Variants in AP2B1 observed in about 807,000 individuals in gnomAD.
The protein encoded by AP2B1 is AP-2 complex subunit beta.
A neutral mutation model predicts 102.0 loss-of-function variants in AP2B1; 23 were observed. The observed-to-expected ratio is 0.23, with a 90% CI of 0.16 to 0.32. AP2B1 has a LOEUF of 0.32. Among genes scored for constraint, AP2B1 ranks in the 10% least tolerant of loss-of-function variants. The pLI, the probability that AP2B1 is intolerant of heterozygous loss-of-function variation, is 1.00. For synonymous variants in AP2B1, 381 were observed against 421.2 expected (o/e 0.90, Z 1.17); for missense variants, 541 against 1,157.4 (o/e 0.47, Z 7.73).
At chr17:35,612,655 G>A (rs1242796232) in intron 5 of AP2B1, among the ~76,000 whole-genome samples, 1 of 152,132 alleles carries the variant, frequency 6.6e-6, no homozygotes, top group East Asian at 1.9e-4. Flanking sequence ...GTCAAGAAAT[G>A]TTTACTCAGA....
At chr17:35,608,069 A>G (rs1207427156) in intron 4 of AP2B1, 73 bp from the exon 5 acceptor site, 5 of 1,555,978 alleles carry the variant, frequency 3.2e-6, no homozygotes, top group Admixed American at 3.6e-5. Flanking sequence ...ATTCTTTTGC[A>G]GCTTACATAA....
chr17:35,692,297 A>G (rs959179684), intron 18 of AP2B1, among the ~76,000 whole-genome samples: 5 of 152,230 alleles, frequency 3.3e-5, no homozygotes, highest in Non-Finnish European at 5.9e-5. Flanking sequence ...AAATAGTAAT[A>G]AAAGTGATTT....
intron 14 of AP2B1, among the ~76,000 whole-genome samples, chr17:35,669,169 G>GTCT (rs1338284218): frequency 7.0e-6 from 1 of 142,806 alleles, no homozygotes; most frequent in Non-Finnish European, 1.5e-5. Context: ...CCGAGATGGA[G>GTCT]TCTTGCTCTT....
intron 5 of AP2B1, among the ~76,000 whole-genome samples, chr17:35,611,830 A>G (rs1394288804): frequency 6.6e-6 from 1 of 152,212 alleles, no homozygotes; most frequent in African/African-American, 2.4e-5. Context: ...CCCTAGCTAT[A>G]TAAAATTTAA....
intron 20 of AP2B1, 72 bp downstream of exon 20, chr17:35,710,392 T>C: frequency 9.2e-7 from 1 of 1,085,904 alleles, no homozygotes; most frequent in Non-Finnish European, 1.4e-6. Context: ...TTAATCTTTC[T>C]TTTGCCTACC....
chr17:35,622,999 A>T (rs1249871452), intron 5 of AP2B1, among the ~76,000 whole-genome samples: 1 of 152,002 alleles, frequency 6.6e-6, no homozygotes, highest in Non-Finnish European at 1.5e-5. Flanking sequence ...ATTCAGCCTC[A>T]CTTTGCTAAT....
intron 9 of AP2B1, among the ~76,000 whole-genome samples, chr17:35,634,214 T>C (rs762424376): frequency 1.2e-4 from 18 of 152,218 alleles, no homozygotes; most frequent in Non-Finnish European, 2.1e-4. Context: ...TGGTGCCAGG[T>C]ATTGAAGAAA....
chr17:35,683,923 G>C (rs2075876956), intron 18 of AP2B1, among the ~76,000 whole-genome samples: 1 of 152,198 alleles, frequency 6.6e-6, no homozygotes, highest in Admixed American at 6.5e-5. Flanking sequence ...TTCTGAGCAG[G>C]GTTCTGGGTA....
intron 5 of AP2B1, among the ~76,000 whole-genome samples, chr17:35,609,482 GA>G (rs942207528): frequency 6.6e-6 from 1 of 152,092 alleles, no homozygotes. Flanking sequence ...GAGTAGCTGG[GA>G]CTACAGGCGC....
At chr17:35,625,913 G>T (rs945076774) in intron 6 of AP2B1, among the ~76,000 whole-genome samples, 1 of 152,084 alleles carries the variant, frequency 6.6e-6, no homozygotes, top group African/African-American at 2.4e-5. Context: ...CAGTAAGTTA[G>T]CTACTTGTGT....
In AP2B1 at chr17:35,676,986, G is replaced by A. The variant is rs559854884; in HGVS notation, c.2324+2665G>A. Among the ~76,000 whole-genome samples the A allele has an allele frequency of 3.9e-5, 6 of 152,214 alleles. No individual in the cohort carries two copies. The South Asian group carries it at 1.0e-3, about 26-fold the overall frequency. On this transcript the variant is annotated intron_variant, in intron 17 of 21. Transcript: ENST00000610402. ...TGTTTTCAAAAAAAACCAAAAGGGT[G>A]TTTTTGTTTGTTTTTTTGTTTGAAA...
At chr17:35,693,461 T>C (rs1316648244) in intron 18 of AP2B1, among the ~76,000 whole-genome samples, 1 of 152,198 alleles carries the variant, frequency 6.6e-6, no homozygotes, top group South Asian at 2.1e-4. Flanking sequence ...AATGAAAACA[T>C]ACTCCGTCTG....
chr17:35,711,424 A>AACAC (rs587678291), intron 20 of AP2B1, among the ~76,000 whole-genome samples: 1 of 151,048 alleles, frequency 6.6e-6, no homozygotes, highest in Non-Finnish European at 1.5e-5. Context: ...AAAAAAAAAA[A>AACAC]ACACACACAC....
chr17:35,595,259 G>A (rs2073229196), intron 2 of AP2B1, among the ~76,000 whole-genome samples: 2 of 152,140 alleles, frequency 1.3e-5, no homozygotes, highest in Non-Finnish European at 2.9e-5. Context: ...AGGTTCTCCA[G>A]GTGGCCAGGC....
chr17:35,698,044 TCAAAA>T (rs1598315089), intron 18 of AP2B1, among the ~76,000 whole-genome samples: 1 of 152,354 alleles, frequency 6.6e-6, no homozygotes, highest in East Asian at 1.9e-4. Flanking sequence ...TTTCAGGTAT[TCAAAA>T]CAGTCTTTTG....
intron 12 of AP2B1, among the ~76,000 whole-genome samples, chr17:35,649,169 ACTTAATAAAT>A (rs2075020447): frequency 6.6e-6 from 1 of 152,200 alleles, no homozygotes; most frequent in Admixed American, 6.5e-5. Context: ...AATAGGAGAT[ACTTAATAAAT>A]ATTTGAATGA....
intron 21 of AP2B1, among the ~76,000 whole-genome samples, chr17:35,721,604 C>G (rs2085396073): frequency 6.6e-6 from 1 of 152,122 alleles, no homozygotes; most frequent in South Asian, 2.1e-4. Flanking sequence ...AGCGGTAATG[C>G]CCAGGGCCTA....
chr17:35,629,027 C>T (rs2074392118), intron 9 of AP2B1, among the ~76,000 whole-genome samples: 2 of 151,996 alleles, frequency 1.3e-5, no homozygotes, highest in Non-Finnish European at 2.9e-5. Flanking sequence ...CGGCTCACTG[C>T]AACCTCTGCC....
chr17:35,692,119 A>G (rs1049897094), intron 18 of AP2B1, among the ~76,000 whole-genome samples: 2 of 152,220 alleles, frequency 1.3e-5, no homozygotes, highest in Non-Finnish European at 2.9e-5. Context: ...CACATAAGCA[A>G]TCGGCAAGAG....
Sources: gnomAD v4.1 joint callset for allele counts (sites outside exome capture counted in the v4.1 genomes callset) on GRCh38, gnomAD v4.1.1 for gene constraint, MANE v1.5 for transcripts, NCBI Gene and HGNC (gene_info 2026-07-23, HGNC 2026-07-21) for gene names.